Variants in SCLT1 observed in about 807,000 individuals in gnomAD.
SCLT1 encodes the protein sodium channel and clathrin linker 1.
Under a neutral mutation model 112.8 loss-of-function variants are expected in SCLT1, and 78 were observed. The ratio of observed to expected loss-of-function variants is 0.69; its 90% confidence interval spans 0.58 to 0.83. The LOEUF (loss-of-function observed/expected upper bound fraction) is 0.83, where lower values mean the gene tolerates loss of function less well. Among genes scored for constraint, SCLT1 ranks in the 40% least tolerant of loss-of-function variants. SCLT1 has a pLI of 0.00. For missense variants in SCLT1, 747 were observed against 770.4 expected (o/e 0.97, Z 0.36); for synonymous variants, 257 against 254.7 (o/e 1.01, Z -0.09).
chr4:128,882,668 G>A (rs1488127903), downstream of SCLT1, among the ~76,000 whole-genome samples: 2 of 152,080 alleles, frequency 1.3e-5, no homozygotes, highest in South Asian at 2.1e-4. Context: ...CTCTGTTGGG[G>A]GGAAGATGAC....
intron 19 of SCLT1, among the ~76,000 whole-genome samples, chr4:128,890,457 A>C (rs1733220836): frequency 6.6e-6 from 1 of 152,184 alleles, no homozygotes; most frequent in South Asian, 2.1e-4. Flanking sequence ...GATGCTTAGG[A>C]GTAACGATTT....
intron 14 of SCLT1, among the ~76,000 whole-genome samples, chr4:128,950,110 A>G (rs1004821973): frequency 6.6e-6 from 1 of 152,164 alleles, no homozygotes; most frequent in African/African-American, 2.4e-5. Context: ...ACAAAATGCA[A>G]CATTAATATT....
At chr4:128,945,607 G>C (rs1290845983) in intron 16 of SCLT1, among the ~76,000 whole-genome samples, 1 of 151,918 alleles carries the variant, frequency 6.6e-6, no homozygotes, top group Non-Finnish European at 1.5e-5. Context: ...GTCAAATTAT[G>C]ACTTTATCAT....
At position 129,072,209 on chromosome 4, in the gene SCLT1, C is replaced by T. The variant is rs921590414; in HGVS notation, c.102+10097G>A. Among the ~76,000 whole-genome samples, 5 of 152,240 alleles carry T rather than the reference C, an allele frequency of 3.3e-5. 1 individual carries two copies. The South Asian group carries it at 1.0e-3, about 32-fold the overall frequency. The stretch of plus-strand genomic sequence containing the variant: ...ATAACAGGTTTTCCTTTATAGGTTA[C>T]CTGGTGATTTTGTCTCACAGGTCTT... On this transcript the variant is annotated intron_variant, in intron 2 of 20. Transcript: ENST00000281142.
intron 3 of SCLT1, 131 bp downstream of exon 3, chr4:129,043,862 C>T: frequency 1.7e-6 from 1 of 600,552 alleles, no homozygotes; most frequent in African/African-American, 1.9e-5. Context: ...CTTGCTTTTT[C>T]TTGTCAATTC....
chr4:129,012,324 G>T (rs946686296), intron 5 of SCLT1, among the ~76,000 whole-genome samples: 1 of 152,162 alleles, frequency 6.6e-6, no homozygotes, highest in African/African-American at 2.4e-5. Context: ...CAACTTCCAT[G>T]TAATTGTATG....
intron 4 of SCLT1, among the ~76,000 whole-genome samples, chr4:128,875,426 G>A (rs974038190): frequency 6.6e-6 from 1 of 151,956 alleles, no homozygotes; most frequent in Non-Finnish European, 1.5e-5. Flanking sequence ...ATAACGGTTT[G>A]AGTTTAGTCT....
At chr4:129,054,056 T>G (rs983830080) in intron 2 of SCLT1, among the ~76,000 whole-genome samples, 3 of 152,188 alleles carry the variant, frequency 2.0e-5, no homozygotes, top group African/African-American at 7.2e-5. Flanking sequence ...GAAAATTCTT[T>G]GAGATTGTTG....
chr4:129,001,611 T>C (rs1304359346), intron 6 of SCLT1, among the ~76,000 whole-genome samples: 1 of 152,076 alleles, frequency 6.6e-6, no homozygotes, highest in Non-Finnish European at 1.5e-5. Flanking sequence ...GATCAAATAA[T>C]GCAAACATTT....
At chr4:128,887,022 G>A (rs943486826) in intron 20 of SCLT1, among the ~76,000 whole-genome samples, 2 of 152,114 alleles carry the variant, frequency 1.3e-5, no homozygotes, top group Non-Finnish European at 2.9e-5. Context: ...TGCTTTACAT[G>A]TGTTAATTCT....
chr4:129,035,869 A>G (rs1412614643), intron 5 of SCLT1, among the ~76,000 whole-genome samples: 1 of 151,830 alleles, frequency 6.6e-6, no homozygotes, highest in East Asian at 1.9e-4. Flanking sequence ...CATTTTCCTC[A>G]GTCTGAGTTT....
At chr4:129,089,644 G>C (rs1187118526) in intron 1 of SCLT1, among the ~76,000 whole-genome samples, 1 of 152,138 alleles carries the variant, frequency 6.6e-6, no homozygotes, top group African/African-American at 2.4e-5. Flanking sequence ...CTGGATAAAG[G>C]AAATGTGGCA....
At chr4:129,088,018 T>C (rs1169863647) in intron 1 of SCLT1, among the ~76,000 whole-genome samples, 1 of 151,554 alleles carries the variant, frequency 6.6e-6, no homozygotes, top group African/African-American at 2.4e-5. Context: ...GCCCAGGAGG[T>C]TGAGGCTGCA....
At chr4:129,012,111 T>C (rs1470890433) in intron 5 of SCLT1, among the ~76,000 whole-genome samples, 1 of 152,192 alleles carries the variant, frequency 6.6e-6, no homozygotes, top group East Asian at 1.9e-4. Context: ...GTAGTTCTTT[T>C]AGTTGTGATG....
At chr4:129,043,966 A>AATG in intron 3 of SCLT1, 27 bp downstream of exon 3, 2 of 1,133,758 alleles carry the variant, frequency 1.8e-6, no homozygotes, top group Non-Finnish European at 2.6e-6. Context: ...TAACGAAGAA[A>AATG]ATGATATTAT....
intron 9 of SCLT1, among the ~76,000 whole-genome samples, chr4:128,977,563 A>C (rs964616013): frequency 6.6e-6 from 1 of 152,228 alleles, no homozygotes. Context: ...TAGGAAAGAC[A>C]TGGGTCATCA....
chr4:128,946,113 T>G lies in SCLT1; in HGVS notation c.1333A>C (p.Lys445Gln), dbSNP rs779358024. The G allele has an allele frequency of 2.5e-6, 4 of 1,609,510 alleles. No homozygotes were observed. The highest frequency in any genetic ancestry group is 1.7e-6 in the Non-Finnish European group (2 of 1,176,286). Reference sequence around the variant, plus strand: ...AATCTTTGGTGCATTTCTTCCAGTTTTCTGTAATCACTCTCATTTCCTCTG... The same window carrying G: ...AATCTTTGGTGCATTTCTTCCAGTTGTCTGTAATCACTCTCATTTCCTCTG... ...EGRGNESDYR[K>Q]LEEMHQRFLV... The change falls in exon 16 of 21, where the codon AAA becomes CAA. Residue 445 changes from lysine to glutamine, a missense_variant. Around this residue, in one of 2 missense-constraint regions of SCLT1, gnomAD observed 723 missense variants for 721.3 expected, o/e 1.00. Transcript: ENST00000281142.
intron 2 of SCLT1, among the ~76,000 whole-genome samples, chr4:129,078,775 T>A (rs376633551): frequency 6.6e-6 from 1 of 152,198 alleles, no homozygotes; most frequent in Non-Finnish European, 1.5e-5. Flanking sequence ...AAAATAATTT[T>A]AGTTCTGCAT....
At chr4:128,954,575 A>C (rs1205599593) in intron 13 of SCLT1, among the ~76,000 whole-genome samples, 1 of 152,116 alleles carries the variant, frequency 6.6e-6, no homozygotes, top group Non-Finnish European at 1.5e-5. Context: ...GGCCTCCCAA[A>C]GTGCTGGGAT....
Sources: gnomAD v4.1 joint callset for allele counts (sites outside exome capture counted in the v4.1 genomes callset) on GRCh38, gnomAD v4.1.1 for gene constraint, gnomAD v4.1.1 regional missense constraint, MANE v1.5 for transcripts, NCBI Gene and HGNC (gene_info 2026-07-23, HGNC 2026-07-21) for gene names.